XG: variants seen among roughly 807,000 people sequenced by gnomAD.
The protein encoded by XG is glycoprotein Xg.
XG carries 24 observed loss-of-function variants against 25.7 expected under a neutral mutation model. The observed-to-expected ratio is 0.93, with a 90% CI of 0.68 to 1.31. XG has a LOEUF of 1.31. XG is among the 40% of genes most tolerant of loss of function. The pLI is 0.00. For missense variants in XG, 181 were observed against 187.6 expected (o/e 0.96, Z 0.21); for synonymous variants, 77 against 69.2 (o/e 1.11, Z -0.56).
intron 7 of XG, among the ~76,000 whole-genome samples, chrX:2,806,420 C>T (rs1403023951): frequency 9.0e-6 from 1 of 110,798 alleles, no homozygotes; most frequent in Non-Finnish European, 1.9e-5. Flanking sequence ...CCAACATTTG[C>T]TGGCATTTTT....
chrX:2,811,069 G>T (rs1203130251), intron 9 of XG, among the ~76,000 whole-genome samples: 1 of 111,252 alleles, frequency 9.0e-6, no homozygotes, highest in Non-Finnish European at 1.9e-5. Context: ...TGGTTGACAA[G>T]CTTGGCTCTT....
chrX:2,773,444 T>G (rs1253782560), intron 2 of XG, among the ~76,000 whole-genome samples: 91 of 42,284 alleles, frequency 2.2e-3, no homozygotes, highest in South Asian at 3.6e-3. Context: ...GAAAGGAGGG[T>G]GGGGAGGAAG....
At chrX:2,790,188 C>T (rs954090230) in intron 5 of XG, among the ~76,000 whole-genome samples, 1 of 111,570 alleles carries the variant, frequency 9.0e-6, no homozygotes, top group African/African-American at 3.3e-5. Flanking sequence ...GCCTGATAAT[C>T]AGTATTAAAG....
At position 2,789,714 on chromosome X, in the gene XG, G is replaced by GTATT. The variant is rs762419176; in HGVS notation, c.253+22_253+25dup. The GTATT allele has an allele frequency of 7.3e-6, 7 of 953,156 alleles. No individual in the cohort carries two copies. The highest frequency in any genetic ancestry group is 4.6e-5 in the Admixed American group (1 of 21,670). The allele number at this position is 953,156 out of a possible 1,213,427, so 78.6% of individuals were successfully genotyped here. The stretch of plus-strand genomic sequence containing the variant: ...ATTCCGGCAACAGTGGAGGTAATGA[G>GTATT]TATTTATTTATTTATTTTTATTTTA... On this transcript the variant is annotated intron_variant, in intron 5 of 10. Transcript: ENST00000644266.
intron 3 of XG, among the ~76,000 whole-genome samples, chrX:2,778,097 C>T (rs2051041041): frequency 6.6e-6 from 1 of 152,164 alleles, no homozygotes; most frequent in Admixed American, 6.5e-5. Flanking sequence ...GTTCTTCCCA[C>T]TAAAAGAATG....
At chrX:2,781,711 C>G (rs1222497172) in intron 3 of XG, among the ~76,000 whole-genome samples, 1 of 112,149 alleles carries the variant, frequency 8.9e-6, no homozygotes, top group East Asian at 2.8e-4. Context: ...TTGGTGTTAT[C>G]TTCATCACAG....
At chrX:2,790,235 T>C (rs1281702429) in intron 5 of XG, among the ~76,000 whole-genome samples, 1 of 111,474 alleles carries the variant, frequency 9.0e-6, no homozygotes, top group Non-Finnish European at 1.9e-5. Flanking sequence ...GCACAGTGGC[T>C]CATGCCTGTA....
rs774736158 is a variant in XG, at chrX:2,753,056, G to A, written c.61+721G>A. 5.7e-5 allele frequency: 46 copies of A among 802,678 alleles called. No individual in the cohort carries two copies. In the South Asian group the frequency reaches 9.1e-4, roughly 16 times the overall value. The allele number at this position is 802,678 out of a possible 1,614,324, so 49.7% of individuals were successfully genotyped here. A position where few individuals can be genotyped will look rare whatever the true frequency, so the allele number is the denominator to read the frequency against. ...ATTTCAGAGAAGGGAACACCTGGGC[G>A]CATCTTAAGAGAGAGAAGTATTTCT... On this transcript the variant is annotated intron_variant, in intron 1 of 10. Transcript: ENST00000644266.
intron 3 of XG, among the ~76,000 whole-genome samples, chrX:2,776,328 C>T (rs182503100): frequency 0.011 from 1,749 of 152,208 alleles, 8 homozygotes; most frequent in Non-Finnish European, 0.019. Context: ...TAAATGGTTG[C>T]AGGAAAGTAA....
chrX:2,763,848 G>A (rs780559044), intron 1 of XG, among the ~76,000 whole-genome samples: 2 of 152,088 alleles, frequency 1.3e-5, no homozygotes, highest in Non-Finnish European at 2.9e-5. Flanking sequence ...TCCCAATGGC[G>A]GTGTTCGGCT....
At chrX:2,768,309 C>A (rs1031406844) in intron 1 of XG, among the ~76,000 whole-genome samples, 2 of 152,184 alleles carry the variant, frequency 1.3e-5, no homozygotes, top group African/African-American at 4.8e-5. Flanking sequence ...AATGTAAATT[C>A]TCAGGGTGTG....
intron 5 of XG, among the ~76,000 whole-genome samples, chrX:2,792,520 T>C (rs1436978269): frequency 1.1e-5 from 1 of 93,112 alleles, no homozygotes; most frequent in Non-Finnish European, 2.1e-5. Context: ...TTTTTCTTTT[T>C]CTTTTTCTTT....
chrX:2,762,250 G>A (rs1474578520), intron 1 of XG, among the ~76,000 whole-genome samples: 3 of 152,132 alleles, frequency 2.0e-5, no homozygotes, highest in South Asian at 4.2e-4. Context: ...TGCAGACACC[G>A]TCTGTTGTGT....
chrX:2,755,093 T>C (rs2050406502), intron 1 of XG, among the ~76,000 whole-genome samples: 1 of 152,066 alleles, frequency 6.6e-6, no homozygotes, highest in South Asian at 2.1e-4. Flanking sequence ...AAAATCAGAA[T>C]CATCCCTCCT....
chrX:2,768,508 C>T (rs1481812797), intron 1 of XG, among the ~76,000 whole-genome samples: 3 of 152,172 alleles, frequency 2.0e-5, no homozygotes, highest in Non-Finnish European at 4.4e-5. Context: ...TGGCTCACGC[C>T]TGTAATCCCA....
chrX:2,759,742 T>C (rs1183985927), intron 1 of XG, among the ~76,000 whole-genome samples: 1 of 152,202 alleles, frequency 6.6e-6, no homozygotes, highest in South Asian at 2.1e-4. Context: ...ATTCCAGCCA[T>C]TTTCCTCTTT....
At chrX:2,767,741 G>A (rs2050731530) in intron 1 of XG, among the ~76,000 whole-genome samples, 1 of 152,176 alleles carries the variant, frequency 6.6e-6, no homozygotes, top group Admixed American at 6.5e-5. Flanking sequence ...GCCCTGCCTG[G>A]GAGATAGATT....
intron 7 of XG, among the ~76,000 whole-genome samples, chrX:2,804,650 G>C (rs942081284): frequency 9.0e-6 from 1 of 111,718 alleles, no homozygotes; most frequent in Non-Finnish European, 1.9e-5. Context: ...TTTGTTCTCT[G>C]GCATACTCAT....
At chrX:2,766,769 G>T (rs1261020232) in intron 1 of XG, among the ~76,000 whole-genome samples, 12 of 151,074 alleles carry the variant, frequency 7.9e-5, no homozygotes, top group Non-Finnish European at 1.8e-4. Context: ...GTTTCACCGT[G>T]TTAGCCAGGA....
Sources: gnomAD v4.1 joint callset for allele counts (sites outside exome capture counted in the v4.1 genomes callset) on GRCh38, gnomAD v4.1.1 for gene constraint, MANE v1.5 for transcripts, NCBI Gene and HGNC (gene_info 2026-07-23, HGNC 2026-07-21) for gene names.